ZNF804B: variants seen among roughly 807,000 people sequenced by gnomAD.
ZNF804B encodes zinc finger 804B.
Under a neutral mutation model 101.4 loss-of-function variants are expected in ZNF804B, and 80 were observed. The observed-to-expected ratio is 0.79, with a 90% CI of 0.66 to 0.95. ZNF804B has a LOEUF of 0.95. ZNF804B is among the 40% of genes least tolerant of loss of function. ZNF804B has a pLI of 0.00. For synonymous variants in ZNF804B, 622 were observed against 558.8 expected, an observed-to-expected ratio of 1.11 and a Z score of -1.59; for missense variants, 1,673 against 1,561.9, an observed-to-expected ratio of 1.07 and a Z score of -1.20.
intron 1 of ZNF804B, among the ~76,000 whole-genome samples, chr7:88,967,835 AG>A (rs1335374705): frequency 6.6e-6 from 1 of 151,552 alleles, no homozygotes. Context: ...GAGCCAGAGA[AG>A]GGTGTGAAAG....
chr7:88,961,016 C>T (rs1251513161), intron 1 of ZNF804B, among the ~76,000 whole-genome samples: 3 of 151,344 alleles, frequency 2.0e-5, no homozygotes, highest in African/African-American at 7.3e-5. Flanking sequence ...AAGGTAGGAA[C>T]TTCAGAGAGT....
intron 1 of ZNF804B, among the ~76,000 whole-genome samples, chr7:88,857,462 C>T (rs1791581020): frequency 1.3e-5 from 2 of 152,058 alleles, no homozygotes; most frequent in South Asian, 4.1e-4. Context: ...ATACAAACTA[C>T]CATCAGAGAA....
At chr7:89,165,334 A>G (rs1055473182) in intron 1 of ZNF804B, among the ~76,000 whole-genome samples, 3 of 152,092 alleles carry the variant, frequency 2.0e-5, no homozygotes, top group Admixed American at 2.0e-4. Context: ...TACAAAAGAT[A>G]GAGGATACAC....
chr7:89,327,452 G>A lies in ZNF804B; in HGVS notation c.358G>A (p.Glu120Lys), dbSNP rs2115983159. The A allele has an allele frequency of 1.2e-6, 2 of 1,611,114 alleles. No homozygotes were observed. The highest frequency in any genetic ancestry group is 1.7e-6 in the Non-Finnish European group (2 of 1,178,378). The change falls in exon 3 of 4, where the codon GAG (glutamate) becomes AAG (lysine). Residue 120 changes from glutamate (E) to lysine (K), a missense_variant. Glu to Lys is a moderately conservative substitution (Grantham distance 56). Coordinates refer to ENST00000333190, the MANE Select transcript of ZNF804B (RefSeq NM_181646.5). ...ACTTAAACGACTTCATCAGCTGGCT[G>A]AGTTAAGGCAGCAATCTGAATGGTA... is the stretch of plus-strand genomic sequence containing the variant. Reference protein sequence around the residue: ...KALKRLHQLAELRQQSECVSG... With the variant: ...KALKRLHQLAKLRQQSECVSG...
chr7:88,800,230 T>C (rs1790557063), intron 1 of ZNF804B, among the ~76,000 whole-genome samples: 1 of 152,068 alleles, frequency 6.6e-6, no homozygotes, highest in Non-Finnish European at 1.5e-5. Context: ...TGAGTGAGCT[T>C]AGTTATCAAA....
intron 1 of ZNF804B, among the ~76,000 whole-genome samples, chr7:89,092,506 G>A (rs1397940324): frequency 7.5e-6 from 1 of 132,474 alleles, no homozygotes; most frequent in African/African-American, 2.8e-5. Context: ...TCCGCCTCCC[G>A]AGTTCAAGTG....
intron 1 of ZNF804B, among the ~76,000 whole-genome samples, chr7:89,189,429 C>G (rs1466302209): frequency 6.6e-6 from 1 of 152,100 alleles, no homozygotes; most frequent in Non-Finnish European, 1.5e-5. Context: ...GGCAGCTGCT[C>G]GGAAGCCTCG....
At chr7:88,848,857 A>C (rs1213925480) in intron 1 of ZNF804B, among the ~76,000 whole-genome samples, 1 of 152,092 alleles carries the variant, frequency 6.6e-6, no homozygotes, top group African/African-American at 2.4e-5. Flanking sequence ...TTTGGATACT[A>C]GTTGTTGGAA....
intron 1 of ZNF804B, among the ~76,000 whole-genome samples, chr7:89,215,082 C>T (rs1380739128): frequency 1.3e-5 from 2 of 152,180 alleles, no homozygotes; most frequent in East Asian, 3.9e-4. Context: ...CTCCTGTTCA[C>T]TCTTTCTCTC....
At chr7:89,175,775 A>G (rs937492922) in intron 1 of ZNF804B, among the ~76,000 whole-genome samples, 8 of 151,888 alleles carry the variant, frequency 5.3e-5, no homozygotes, top group Non-Finnish European at 1.2e-4. Flanking sequence ...TATTGTAGCA[A>G]TCTTTCACTT....
intron 1 of ZNF804B, among the ~76,000 whole-genome samples, chr7:88,869,217 T>C (rs1791779679): frequency 6.6e-6 from 1 of 152,224 alleles, no homozygotes; most frequent in Non-Finnish European, 1.5e-5. Flanking sequence ...CATAATTCTT[T>C]TGAGAATAGG....
intron 1 of ZNF804B, among the ~76,000 whole-genome samples, chr7:88,851,712 A>G (rs550152541): frequency 7.3e-4 from 111 of 152,248 alleles, no homozygotes; most frequent in African/African-American, 2.5e-3. Flanking sequence ...CAGTAACTAT[A>G]TGAGTAAATA....
At chr7:88,909,913 ATTAGCTGCC>A (rs1181091634) in intron 1 of ZNF804B, among the ~76,000 whole-genome samples, 2 of 151,786 alleles carry the variant, frequency 1.3e-5, no homozygotes, top group African/African-American at 4.8e-5. Context: ...TATTTCTGTT[ATTAGCTGCC>A]TTTTGGTAAA....
chr7:89,125,935 A>T (rs1341205483), intron 1 of ZNF804B, among the ~76,000 whole-genome samples: 2 of 152,064 alleles, frequency 1.3e-5, no homozygotes, highest in East Asian at 1.9e-4. Context: ...ACTCAAGAAG[A>T]TACACTATGA....
chr7:89,333,532 A>C lies in ZNF804B; in HGVS notation c.550A>C (p.Thr184Pro). ...AATCATATCCGATAAACAGCGGTCC[A>C]CCATGCCAAATCGACACCAATTACA... ...PRIISDKQRS[T>P]MPNRHQLQSD... Residue 184 changes from threonine to proline, a missense_variant, in exon 4 of 4, where the codon ACC becomes CCC. Coordinates refer to ENST00000333190, the MANE Select transcript of ZNF804B (RefSeq NM_181646.5). 6.2e-7 allele frequency: 1 copy of C among 1,613,564 alleles called. No homozygotes were observed. The highest frequency in any genetic ancestry group is 8.5e-7 in the Non-Finnish European group (1 of 1,179,662).
At chr7:89,147,400 G>C (rs1790807656) in intron 1 of ZNF804B, among the ~76,000 whole-genome samples, 1 of 151,996 alleles carries the variant, frequency 6.6e-6, no homozygotes, top group Non-Finnish European at 1.5e-5. Context: ...CTATTAGCAA[G>C]TATTAACATA....
intron 1 of ZNF804B, among the ~76,000 whole-genome samples, chr7:88,884,901 T>A (rs1232087060): frequency 6.6e-6 from 1 of 151,916 alleles, no homozygotes; most frequent in Non-Finnish European, 1.5e-5. Flanking sequence ...ATTATGTTTA[T>A]TAGTCTCGTC....
chr7:89,076,339 G>A (rs1402867778), intron 1 of ZNF804B, among the ~76,000 whole-genome samples: 2 of 152,092 alleles, frequency 1.3e-5, no homozygotes, highest in Admixed American at 1.3e-4. Context: ...GAGTGAATGA[G>A]TCTCATAAGA....
chr7:88,972,930 C>G (rs1197756845), intron 1 of ZNF804B, among the ~76,000 whole-genome samples: 1 of 151,326 alleles, frequency 6.6e-6, no homozygotes, highest in Non-Finnish European at 1.5e-5. Flanking sequence ...TTAACAAGGC[C>G]TTAGTATGGG....
Sources: gnomAD v4.1 joint callset for allele counts (sites outside exome capture counted in the v4.1 genomes callset) on GRCh38, gnomAD v4.1.1 for gene constraint, MANE v1.5 for transcripts, NCBI Gene and HGNC (gene_info 2026-07-23, HGNC 2026-07-21) for gene names.